PHF14: variants seen among roughly 807,000 people sequenced by gnomAD.
The protein encoded by PHF14 is PHD finger protein 14.
A neutral mutation model predicts 117.9 loss-of-function variants in PHF14; 55 were observed. The ratio of observed to expected loss-of-function variants is 0.47; its 90% confidence interval spans 0.38 to 0.58. PHF14 has a LOEUF of 0.58. Among genes scored for constraint, PHF14 ranks in the 20% least tolerant of loss-of-function variants. The pLI is 0.00. For missense variants in PHF14, 978 were observed against 1,122.2 expected (o/e 0.87, Z 1.84); for synonymous variants, 409 against 368.6 (o/e 1.11, Z -1.26).
intron 17 of PHF14, among the ~76,000 whole-genome samples, chr7:11,164,903 C>A (rs1251947325): frequency 6.6e-6 from 1 of 152,144 alleles, no homozygotes; most frequent in Non-Finnish European, 1.5e-5. Flanking sequence ...GTGATAGTTC[C>A]AAGTCTTGTC....
At chr7:11,020,997 T>C (rs1395385845) in intron 5 of PHF14, among the ~76,000 whole-genome samples, 1 of 152,230 alleles carries the variant, frequency 6.6e-6, no homozygotes, top group Non-Finnish European at 1.5e-5. Context: ...AATAACGTAC[T>C]TGACGTGAAT....
chr7:11,096,882 C>A (rs1786891949), intron 16 of PHF14, among the ~76,000 whole-genome samples: 1 of 150,942 alleles, frequency 6.6e-6, no homozygotes. Context: ...AAAAACTCAT[C>A]TTCAAATGAT....
chr7:11,020,922 A>G (rs1393664536), intron 5 of PHF14, among the ~76,000 whole-genome samples: 2 of 152,142 alleles, frequency 1.3e-5, no homozygotes, highest in African/African-American at 4.8e-5. Flanking sequence ...ATAACTTCCA[A>G]ACTACCTTTA....
intron 16 of PHF14, among the ~76,000 whole-genome samples, chr7:11,071,964 A>G (rs1016052317): frequency 1.6e-4 from 24 of 152,316 alleles, no homozygotes; most frequent in African/African-American, 4.1e-4. Context: ...CAAAGTGTCT[A>G]TTATTTTGAG....
rs922613523 is a variant in PHF14 at position 11,036,267 on chromosome 7, A to G, written c.1603-151A>G. On this transcript the variant is annotated intron_variant, in intron 8 of 17. Coordinates refer to ENST00000634607, the MANE Select transcript of PHF14 (RefSeq NM_001007157.2). ...TTGTAACTCAAAAATTATACAGTAT[A>G]CCTTAAGGATCATTCATACCTATAA... The G allele has an allele frequency of 1.4e-5, 9 of 645,194 alleles. No homozygotes were observed. In the East Asian group the frequency reaches 2.2e-4, roughly 16 times the overall value. The allele number at this position is 645,194 out of a possible 1,614,324, so 40.0% of individuals were successfully genotyped here.
chr7:11,122,348 TATATACACACAC>T (rs1162600563), intron 17 of PHF14, among the ~76,000 whole-genome samples: 9 of 61,610 alleles, frequency 1.5e-4, no homozygotes, highest in East Asian at 9.7e-4. Flanking sequence ...TATATATATA[TATATACACACAC>T]ACACACACAC....
intron 16 of PHF14, chr7:11,105,213 A>G: frequency 3.1e-6 from 3 of 962,370 alleles, no homozygotes; most frequent in Non-Finnish European, 3.7e-6. Flanking sequence ...TTAACTTTAG[A>G]AATTATATTT....
At chr7:11,148,489 A>G (rs867154091) in intron 17 of PHF14, among the ~76,000 whole-genome samples, 5 of 152,150 alleles carry the variant, frequency 3.3e-5, no homozygotes, top group Admixed American at 2.0e-4. Context: ...GCTCTTTTGT[A>G]GCAGGGCTTC....
chr7:11,136,821 A>G (rs993698258), intron 17 of PHF14, among the ~76,000 whole-genome samples: 1 of 152,200 alleles, frequency 6.6e-6, no homozygotes, highest in Non-Finnish European at 1.5e-5. Flanking sequence ...AAGACCAAAC[A>G]TTTGTGGTCT....
chr7:11,094,371 C>T (rs1332883291), intron 16 of PHF14, among the ~76,000 whole-genome samples: 1 of 152,172 alleles, frequency 6.6e-6, no homozygotes, highest in Non-Finnish European at 1.5e-5. Flanking sequence ...CCTTTTCTAG[C>T]ACTAGAGTTG....
intron 6 of PHF14, among the ~76,000 whole-genome samples, 198 bp downstream of exon 6, chr7:11,023,177 G>A (rs1465563790): frequency 6.6e-6 from 1 of 152,052 alleles, no homozygotes; most frequent in African/African-American, 2.4e-5. Flanking sequence ...TCTTAATTTA[G>A]AGTAACGTAT....
At chr7:11,094,580 G>A (rs993413035) in intron 16 of PHF14, among the ~76,000 whole-genome samples, 1 of 152,038 alleles carries the variant, frequency 6.6e-6, no homozygotes, top group African/African-American at 2.4e-5. Flanking sequence ...CAGATTCAGG[G>A]CATTAGAACA....
chr7:11,099,429 A>G (rs1376264000), intron 16 of PHF14, among the ~76,000 whole-genome samples: 3 of 152,170 alleles, frequency 2.0e-5, no homozygotes, highest in Non-Finnish European at 4.4e-5. Flanking sequence ...TGAACATGGT[A>G]TATATTACAT....
chr7:11,100,590 C>T (rs779024889), intron 16 of PHF14, among the ~76,000 whole-genome samples: 2 of 151,906 alleles, frequency 1.3e-5, no homozygotes, highest in African/African-American at 2.4e-5. Context: ...AATCTACTGA[C>T]CTTCACATTA....
chr7:11,107,883 C>T (rs2128342791), intron 16 of PHF14: 1 of 266,026 alleles, frequency 3.8e-6, no homozygotes, highest in South Asian at 1.4e-4. Flanking sequence ...AGGTAGAAAC[C>T]ATAAATAGGT....
chr7:11,001,579 C>T (rs1014353894), intron 4 of PHF14, among the ~76,000 whole-genome samples: 1 of 108,724 alleles, frequency 9.2e-6, no homozygotes, highest in African/African-American at 3.6e-5. Flanking sequence ...CAGAGTTTTG[C>T]AGTTTTCTTC....
rs1788056882 is a variant in PHF14, at chr7:11,130,223, A to G, written c.2772+18756A>G. Among the ~76,000 whole-genome samples, 1 of 151,968 alleles carries G rather than the reference A, an allele frequency of 6.6e-6. No homozygotes were observed. Among genetic ancestry groups the G allele is most frequent in the Non-Finnish European group, 1.5e-5 (1 of 67,932 alleles). On this transcript the variant is annotated intron_variant, in intron 17 of 17. Coordinates refer to ENST00000634607, the MANE Select transcript of PHF14 (RefSeq NM_001007157.2). This position sits in a 1 kb window ranked among gnomAD's most constrained non-coding sequence, Gnocchi z 4.2. ...AAATCATATCTGGAATTTGATACATATCACTCCAGGCCACATTCCTCAGAT... is the reference window on the plus strand; with the variant it reads ...AAATCATATCTGGAATTTGATACATGTCACTCCAGGCCACATTCCTCAGAT...
chr7:11,063,690 G>T, intron 16 of PHF14: 1 of 907,154 alleles, frequency 1.1e-6, no homozygotes, highest in Non-Finnish European at 1.3e-6. Context: ...TCATATATTG[G>T]AAATTAGGAA....
At chr7:11,043,970 A>G (rs10236024) in intron 13 of PHF14, among the ~76,000 whole-genome samples, 89,127 of 151,788 alleles carry the variant, frequency 0.59, 28,055 homozygotes, top group East Asian at 0.85. Flanking sequence ...GGTTTCCAGC[A>G]TGTGAGAGTT....
Sources: gnomAD v4.1 joint callset for allele counts (sites outside exome capture counted in the v4.1 genomes callset) on GRCh38, gnomAD v4.1.1 for gene constraint, Gnocchi (gnomAD v3.1) non-coding constraint, MANE v1.5 for transcripts, NCBI Gene and HGNC (gene_info 2026-07-23, HGNC 2026-07-21) for gene names.